The following OTUD7A variants were observed in gnomAD, a reference collection of about 807,000 sequenced individuals.
OTUD7A encodes OTU deubiquitinase 7A, also known as OTU domain-containing protein 7A.
In OTUD7A, 12 loss-of-function variants were observed where a neutral mutation model predicts 65.7. That is an observed-to-expected ratio of 0.18 (90% CI 0.12 to 0.30). The LOEUF (loss-of-function observed/expected upper bound fraction) is 0.30, where lower values mean the gene tolerates loss of function less well. OTUD7A is among the 10% of genes least tolerant of loss of function. The pLI, the probability that OTUD7A is intolerant of heterozygous loss-of-function variation, is 1.00. For missense variants in OTUD7A, 1,148 were observed against 1,304.8 expected (o/e 0.88, Z 1.85); for synonymous variants, 641 against 586.3 (o/e 1.09, Z -1.35).
At chr15:31,559,840 A>G (rs1243058483) in intron 4 of OTUD7A, among the ~76,000 whole-genome samples, 1 of 151,082 alleles carries the variant, frequency 6.6e-6, no homozygotes, top group Non-Finnish European at 1.5e-5. Flanking sequence ...ACATGTGTGC[A>G]CACACATACA....
In OTUD7A at chr15:31,482,510, TG is replaced by T. The variant is rs2041141367; in HGVS notation, c.*783del. On this transcript the variant is annotated 3_prime_UTR_variant, in exon 13 of 13. Transcript: ENST00000307050. ...CTATGAGCAAATCCAAATTGTGAGA[TG>T]GGAACCCTGCTTTTTGGACCCTAGG... 1.3e-5 allele frequency: 2 copies of T among 152,322 alleles called. No homozygotes were observed. Among genetic ancestry groups the T allele is most frequent in the Non-Finnish European group, 2.9e-5 (2 of 68,118 alleles). 9.4% of individuals were successfully genotyped at this position (152,322 alleles called of 1,614,324 possible).
chr15:31,751,157 C>A (rs1466565787), intron 1 of OTUD7A, among the ~76,000 whole-genome samples: 1 of 151,724 alleles, frequency 6.6e-6, no homozygotes, highest in Non-Finnish European at 1.5e-5. Flanking sequence ...AGAAAATATT[C>A]ACAAACTATG....
At chr15:31,691,140 A>T (rs1218629763) in intron 1 of OTUD7A, among the ~76,000 whole-genome samples, 1 of 152,152 alleles carries the variant, frequency 6.6e-6, no homozygotes, top group African/African-American at 2.4e-5. Flanking sequence ...TAGAAGAATT[A>T]ATATTGTTAA....
intron 3 of OTUD7A, among the ~76,000 whole-genome samples, chr15:31,578,667 T>C (rs1889279282): frequency 6.6e-6 from 1 of 152,158 alleles, no homozygotes; most frequent in Non-Finnish European, 1.5e-5. Context: ...TTCTCCTGCT[T>C]CAGCCTCCCA....
At chr15:31,850,468 G>A (rs1761655207) in intron 1 of OTUD7A, among the ~76,000 whole-genome samples, 1 of 152,082 alleles carries the variant, frequency 6.6e-6, no homozygotes, top group South Asian at 2.1e-4. Flanking sequence ...TAAATGATGA[G>A]TTAATGGGTG....
At chr15:31,692,679 T>C (rs1892982848) in intron 1 of OTUD7A, among the ~76,000 whole-genome samples, 1 of 141,964 alleles carries the variant, frequency 7.0e-6, no homozygotes, top group Admixed American at 7.0e-5. Flanking sequence ...TCCCTTTCTT[T>C]GTTCACATTT....
At chr15:31,681,629 G>T (rs200928698) in intron 1 of OTUD7A, among the ~76,000 whole-genome samples, 2 of 51,464 alleles carry the variant, frequency 3.9e-5, no homozygotes, top group Admixed American at 2.0e-4. Context: ...ATACCTTTCT[G>T]TCTGACTGTG....
At chr15:31,826,281 A>G (rs1896795689) in intron 1 of OTUD7A, among the ~76,000 whole-genome samples, 1 of 152,236 alleles carries the variant, frequency 6.6e-6, no homozygotes, top group East Asian at 1.9e-4. Context: ...ATCTAGGTGG[A>G]GGTTCTCAAA....
At chr15:31,826,580 G>T (rs931595306) in intron 1 of OTUD7A, among the ~76,000 whole-genome samples, 5 of 152,324 alleles carry the variant, frequency 3.3e-5, no homozygotes, top group Admixed American at 2.6e-4. Context: ...CATTGTCTTG[G>T]GGATTAACAT....
At chr15:31,855,320 C>T (rs1028851003) in intron 1 of OTUD7A, among the ~76,000 whole-genome samples, 10 of 152,148 alleles carry the variant, frequency 6.6e-5, no homozygotes, top group Admixed American at 6.5e-4. Flanking sequence ...AGAAATATCT[C>T]TATATAGTTT....
chr15:31,606,255 G>A (rs1383135869), intron 3 of OTUD7A, among the ~76,000 whole-genome samples: 2 of 152,206 alleles, frequency 1.3e-5, no homozygotes, highest in Non-Finnish European at 2.9e-5. Context: ...ATCTTCATGT[G>A]CAAAGCTCTG....
intron 3 of OTUD7A, among the ~76,000 whole-genome samples, chr15:31,613,307 A>C (rs1890485890): frequency 6.6e-6 from 1 of 152,232 alleles, no homozygotes. Flanking sequence ...AACTTAATTA[A>C]ACTAAAGAGC....
At chr15:31,868,993 T>C (rs1021387527) in intron 1 of OTUD7A, among the ~76,000 whole-genome samples, 4 of 152,172 alleles carry the variant, frequency 2.6e-5, no homozygotes, top group African/African-American at 9.7e-5. Flanking sequence ...TTTAACCAAT[T>C]AGGAGGTGTC....
Position 31,484,476 on chromosome 15 carries a change from G to A in OTUD7A, c.1620C>T (p.Gly540=), listed in dbSNP as rs767762733. ...TGCCGTGCACCAGGCCGCCGAGGCC[G>A]CCCATGTTTTTCTTCAGCTTGATGC... The part of the protein sequence containing the change: ...TLGIKLKKNM[G]GLGGLVHGKM... The change falls in exon 13 of 13, where the codon GGC becomes GGT. Residue 540 remains glycine, a synonymous_variant. Coordinates refer to ENST00000307050, the MANE Select transcript of OTUD7A (RefSeq NM_001382637.1). The surrounding 1 kb of genome is among the most constrained non-coding windows in gnomAD (Gnocchi z 4.5). 5 of 1,606,880 alleles carry A rather than the reference G, an allele frequency of 3.1e-6. No homozygotes were observed. Among genetic ancestry groups the A allele is most frequent in the East Asian group, 2.2e-5 (1 of 44,856 alleles).
chr15:31,599,823 G>A (rs1461000840), intron 3 of OTUD7A, among the ~76,000 whole-genome samples: 5 of 152,122 alleles, frequency 3.3e-5, no homozygotes, highest in Non-Finnish European at 7.4e-5. Context: ...GAAAAACACA[G>A]CACAAGAACT....
intron 1 of OTUD7A, among the ~76,000 whole-genome samples, chr15:31,820,562 T>C (rs988016547): frequency 3.3e-5 from 5 of 152,218 alleles, no homozygotes; most frequent in Admixed American, 3.3e-4. Flanking sequence ...AACAAGACAC[T>C]ATTGCTATCC....
chr15:31,626,879 ATTTGTTTTTTTTTTGT>A (rs1890969635), intron 3 of OTUD7A, among the ~76,000 whole-genome samples: 1 of 138,474 alleles, frequency 7.2e-6, no homozygotes, highest in Non-Finnish European at 1.5e-5. Context: ...CCCGGCCTAT[ATTTGTTTTTTTTTTGT>A]TTTGTTTTTT....
At chr15:31,644,143 T>C (rs993396940) in intron 3 of OTUD7A, among the ~76,000 whole-genome samples, 4 of 151,918 alleles carry the variant, frequency 2.6e-5, no homozygotes, top group African/African-American at 4.8e-5. Flanking sequence ...CAGAGATTCA[T>C]GCTCTACGCA....
At chr15:31,681,036 C>T (rs1892701534) in intron 1 of OTUD7A, among the ~76,000 whole-genome samples, 1 of 149,628 alleles carries the variant, frequency 6.7e-6, no homozygotes, top group South Asian at 2.1e-4. Flanking sequence ...CCTGTCTGTC[C>T]ACCTATCATC....
Sources: allele counts gnomAD v4.1 joint callset (sites outside exome capture counted in the v4.1 genomes callset), GRCh38; gene constraint gnomAD v4.1.1; non-coding constraint Gnocchi (gnomAD v3.1); transcripts MANE v1.5; gene names NCBI Gene and HGNC (gene_info 2026-07-23, HGNC 2026-07-21).